RB1: variants seen among roughly 807,000 people sequenced by gnomAD.
The protein encoded by RB1 is RB transcriptional corepressor 1.
RB1 carries 18 observed loss-of-function variants against 135.4 expected under a neutral mutation model. The ratio of observed to expected loss-of-function variants is 0.13; its 90% CI spans 0.09 to 0.20. The LOEUF is 0.20. Ranked by LOEUF, RB1 falls within the 10% of genes least tolerant of loss-of-function variation. The probability of loss-of-function intolerance (pLI) is 1.00; values close to 1 mark genes in which losing one functional copy is unlikely to be tolerated. For missense variants in RB1, 868 were observed against 1,110.0 expected (o/e 0.78, Z 3.10); for synonymous variants, 365 against 373.2 (o/e 0.98, Z 0.25).
chr13:48,402,378 C>CTTTTTTTTTT (rs1373839747), intron 17 of RB1, among the ~76,000 whole-genome samples: 1 of 14,822 alleles, frequency 6.7e-5, no homozygotes, highest in African/African-American at 9.3e-5. Context: ...TTGTAGAAAA[C>CTTTTTTTTTT]CTTTTTTTTT....
At chr13:48,343,426 ATAGAT>A (rs1952464842) in intron 3 of RB1, among the ~76,000 whole-genome samples, 1 of 152,196 alleles carries the variant, frequency 6.6e-6, no homozygotes, top group Non-Finnish European at 1.5e-5. Context: ...TTTAAACGAG[ATAGAT>A]TAAATTGTTG....
chr13:48,409,889 T>A (rs1036687672), intron 17 of RB1, among the ~76,000 whole-genome samples: 2 of 152,074 alleles, frequency 1.3e-5, no homozygotes, highest in African/African-American at 4.8e-5. Context: ...TGAATTTTTT[T>A]AAAAAAGGAA....
chr13:48,465,082 A>G lies in RB1; in HGVS notation c.2296A>G (p.Thr766Ala). ...CTCGGTCTTCATGCAGAGACTGAAA[A>G]CAAATATTTTGCAGTATGCTTCCAC... ...YNSVFMQRLKTNILQYASTRP... is the reference protein window; with the variant it reads ...YNSVFMQRLKANILQYASTRP... Residue 766 changes from threonine (T) to alanine (A), a missense_variant, in exon 22 of 27, where the codon ACA becomes GCA. Thr to Ala is a moderately conservative substitution (Grantham distance 58, BLOSUM62 0). Around this residue, in one of 3 missense-constraint regions of RB1, gnomAD observed 196 missense variants for 239.8 expected, o/e 0.82. Coordinates refer to ENST00000267163, the MANE Select transcript of RB1 (RefSeq NM_000321.3). 6.2e-7 allele frequency: 1 copy of G among 1,613,762 alleles called. No individual in the cohort carries two copies. The highest frequency in any genetic ancestry group is 8.5e-7 in the Non-Finnish European group (1 of 1,179,942).
chr13:48,336,338 T>C (rs1241042474), intron 2 of RB1, among the ~76,000 whole-genome samples: 4 of 152,204 alleles, frequency 2.6e-5, no homozygotes, highest in Non-Finnish European at 5.9e-5. Flanking sequence ...GTTGGTAGGA[T>C]ATTAATTACT....
chr13:48,305,199 T>C (rs1952070886), intron 1 of RB1, among the ~76,000 whole-genome samples: 1 of 152,198 alleles, frequency 6.6e-6, no homozygotes, highest in East Asian at 1.9e-4. Context: ...CCAAATCCTT[T>C]CACCCTCACC....
chr13:48,417,057 G>A (rs979563867), intron 17 of RB1: 2 of 152,400 alleles, frequency 1.3e-5, no homozygotes, highest in African/African-American at 2.4e-5. Context: ...GATCTCCCAG[G>A]ACATTGCTCG....
chr13:48,348,817 A>G lies in RB1; in HGVS notation c.540-139A>G, dbSNP rs1952520955. On this transcript the variant is annotated intron_variant, in intron 5 of 26. Transcript: ENST00000267163. ...GGTGTAAATTATGCAATTAAAATGG[A>G]CTGCATTCTATTATGCATTTAACTA... 6.5e-6 allele frequency: 6 copies of G among 918,006 alleles called. No homozygotes were observed. The Middle Eastern group carries it at 1.1e-3, about 168-fold the overall frequency. 56.9% of individuals were successfully genotyped at this position (918,006 alleles called of 1,614,324 possible).
intron 19 of RB1, among the ~76,000 whole-genome samples, chr13:48,458,610 C>T (rs1430021738): frequency 6.6e-6 from 1 of 151,926 alleles, no homozygotes; most frequent in Non-Finnish European, 1.5e-5. Context: ...AAGATAGGGC[C>T]CTCAAAACCT....
intron 21 of RB1, 32 bp from the exon 22 acceptor site, chr13:48,464,958 CTTTTTTTT>C (rs553094345): frequency 4.4e-4 from 363 of 832,546 alleles, no homozygotes; most frequent in African/African-American, 2.4e-3. Flanking sequence ...GTAAATTTTA[CTTTTTTTT>C]TTTTTTTTTT....
At chr13:48,479,346 T>G (rs1949523221) in intron 26 of RB1, among the ~76,000 whole-genome samples, 1 of 152,200 alleles carries the variant, frequency 6.6e-6, no homozygotes, top group African/African-American at 2.4e-5. Context: ...CACCACTCAC[T>G]CTGGCAGATT....
chr13:48,338,318 A>G (rs1952404423), intron 2 of RB1, among the ~76,000 whole-genome samples: 1 of 152,140 alleles, frequency 6.6e-6, no homozygotes, highest in African/African-American at 2.4e-5. Flanking sequence ...AGGTACACCA[A>G]TCAGATGTAG....
intron 14 of RB1, 81 bp downstream of exon 14, chr13:48,379,731 G>A (rs1948515430): frequency 1.3e-6 from 2 of 1,520,564 alleles, no homozygotes; most frequent in Non-Finnish European, 1.8e-6. Flanking sequence ...GGAGGCCGAG[G>A]TGGGCAGATC....
intron 17 of RB1, among the ~76,000 whole-genome samples, chr13:48,409,220 C>G (rs1310121535): frequency 7.0e-6 from 1 of 142,298 alleles, no homozygotes; most frequent in African/African-American, 2.6e-5. Flanking sequence ...GTGATCATAT[C>G]TCACTCTAAC....
intron 9 of RB1, among the ~76,000 whole-genome samples, chr13:48,365,378 C>T (rs1230022700): frequency 1.3e-5 from 2 of 152,148 alleles, no homozygotes. Context: ...TGTGGAACAT[C>T]TCTTTTGAGG....
At chr13:48,430,504 G>A (rs1345962514) in intron 17 of RB1, among the ~76,000 whole-genome samples, 1 of 152,082 alleles carries the variant, frequency 6.6e-6, no homozygotes, top group African/African-American at 2.4e-5. Context: ...ACTTTGGGAG[G>A]CGAGACAGGT....
At chr13:48,307,199 G>A (rs2138033427) in intron 1 of RB1, 81 bp from the exon 2 acceptor site, 1 of 1,192,860 alleles carries the variant, frequency 8.4e-7, no homozygotes, top group Non-Finnish European at 1.2e-6. Context: ...AGTGTTATGT[G>A]CAAACTATTG....
intron 25 of RB1, 145 bp from the exon 26 acceptor site, chr13:48,477,210 T>C (rs780215180): frequency 9.2e-6 from 6 of 653,976 alleles, no homozygotes; most frequent in Non-Finnish European, 1.6e-5. Flanking sequence ...ATGTTTTAGA[T>C]GGTTAGTTTT....
intron 17 of RB1, among the ~76,000 whole-genome samples, chr13:48,394,710 G>A (rs1308525760): frequency 6.6e-6 from 1 of 152,172 alleles, no homozygotes; most frequent in East Asian, 1.9e-4. Context: ...CTCCTCTCTG[G>A]GCAGGGCATC....
intron 6 of RB1, among the ~76,000 whole-genome samples, chr13:48,357,763 G>A (rs2138104674): frequency 6.6e-6 from 1 of 152,176 alleles, no homozygotes; most frequent in East Asian, 1.9e-4. Flanking sequence ...TCATGGTTGT[G>A]CATCAGAGAG....
Sources: allele counts gnomAD v4.1 joint callset (sites outside exome capture counted in the v4.1 genomes callset), GRCh38; gene constraint gnomAD v4.1.1; regional missense constraint gnomAD v4.1.1; transcripts MANE v1.5; gene names NCBI Gene and HGNC (gene_info 2026-07-23, HGNC 2026-07-21).